The following S1PR3 variants were observed in gnomAD, a reference collection of about 807,000 sequenced individuals.
S1PR3 encodes the protein sphingosine-1-phosphate receptor 3.
In S1PR3, 12 loss-of-function variants were observed where a neutral mutation model predicts 13.3. The observed-to-expected ratio is 0.90, with a 90% CI of 0.58 to 1.46. S1PR3 has a LOEUF of 1.46. Among genes scored for constraint, S1PR3 ranks in the 40% most tolerant of loss-of-function variants. The pLI is 0.00. For synonymous variants in S1PR3, 232 were observed against 214.0 expected (o/e 1.08, Z -0.73); for missense variants, 450 against 501.9 (o/e 0.90, Z 0.99).
chr9:89,001,099 GCTGAAT>G lies in S1PR3; in HGVS notation c.-101_-96del. On this transcript the variant is annotated 5_prime_UTR_variant, in exon 2 of 2. The change abolishes an upstream ATG in the 5' untranslated region. Transcript: ENST00000358157. ...CGCTGGAGTCTGGCCTGCACGCCTT[GCTGAAT>G]GAAGCCGGAACCTCAGCCCCGCTTC... The G allele has an allele frequency of 7.2e-7, 1 of 1,385,102 alleles. No individual in the cohort carries two copies. The highest frequency in any genetic ancestry group is 1.3e-5 in the South Asian group (1 of 74,546). 85.8% of individuals were successfully genotyped at this position (1,385,102 alleles called of 1,614,324 possible).
At chr9:88,995,109 G>T (rs1363720567) in intron 1 of S1PR3, 1 of 167,052 alleles carries the variant, frequency 6.0e-6, no homozygotes, top group Non-Finnish European at 1.5e-5. Flanking sequence ...TGCTTTCCAA[G>T]AAATTTTGCT....
chr9:88,995,271 AAG>A (rs1491265543), intron 1 of S1PR3: 3 of 167,004 alleles, frequency 1.8e-5, no homozygotes, highest in African/African-American at 7.2e-5. Flanking sequence ...CGGAGAGAGA[AAG>A]GGGGGTGTTG....
At position 89,002,213 on chromosome 9, in the gene S1PR3, A is replaced by G. The variant is rs1351645898; in HGVS notation, c.1013A>G (p.Lys338Arg). 6.2e-6 allele frequency: 10 copies of G among 1,613,892 alleles called. No homozygotes were observed. The Admixed American group carries it at 1.5e-4, about 24-fold the overall frequency. The change falls in exon 2 of 2, where the codon AAA (lysine) becomes AGA (arginine). Residue 338 changes from lysine to arginine, a missense_variant. Lys to Arg is a conservative substitution (Grantham distance 26). Transcript: ENST00000358157. ...IQPALDPSRS[K>R]SSSSNNSSHS... Reference sequence around the variant, plus strand: ...CCTGCGCTCGACCCAAGCAGAAGTAAATCAAGCAGCAGCAACAATAGCAGC... The same window carrying G: ...CCTGCGCTCGACCCAAGCAGAAGTAGATCAAGCAGCAGCAACAATAGCAGC...
chr9:88,992,437 G>C (rs1825733704), intron 1 of S1PR3: 1 of 176,936 alleles, frequency 5.7e-6, no homozygotes, highest in Non-Finnish European at 1.2e-5. Flanking sequence ...TAAGGAAAGG[G>C]GAGCTACAGG....
chr9:88,995,547 C>T (rs1020343361), intron 1 of S1PR3: 4 of 166,822 alleles, frequency 2.4e-5, no homozygotes, highest in African/African-American at 4.8e-5. Context: ...TTCCAGAAGG[C>T]GTCTTATTCC....
chr9:88,997,186 T>A (rs976084823), intron 1 of S1PR3: 1 of 152,220 alleles, frequency 6.6e-6, no homozygotes, highest in African/African-American at 2.4e-5. Context: ...TATTTAATTA[T>A]AAGGGAAATG....
Position 89,002,606 on chromosome 9 carries a change from C to A in S1PR3, c.*269C>A. ...CTGCCTTCTGCTGCATCCTAGACAC[C>A]CTCCCTGTTGTTCACAGAGAGGGAA... On this transcript the variant is annotated 3_prime_UTR_variant, in exon 2 of 2. Transcript: ENST00000358157. The A allele has an allele frequency of 1.9e-6, 1 of 527,006 alleles. No individual in the cohort carries two copies. Among genetic ancestry groups the A allele is most frequent in the Non-Finnish European group, 3.5e-6 (1 of 284,562 alleles). The allele number at this position is 527,006 out of a possible 1,614,324, so 32.6% of individuals were successfully genotyped here.
At position 89,001,187 on chromosome 9, in the gene S1PR3, G is replaced by A. The variant is rs1359921039; in HGVS notation, c.-14G>A. 1 of 1,609,292 alleles carries A rather than the reference G, an allele frequency of 6.2e-7. No individual in the cohort carries two copies. The highest frequency in any genetic ancestry group is 1.1e-5 in the South Asian group (1 of 90,896). On this transcript the variant is annotated 5_prime_UTR_variant, in exon 2 of 2. In the 5' UTR this introduces an upstream ATG that the reference lacks. Coordinates refer to ENST00000358157, the MANE Select transcript of S1PR3 (RefSeq NM_005226.4). The stretch of plus-strand genomic sequence containing the variant: ...TCGTGGATTTTGGAGCTAATCGTCT[G>A]TGAATGCCAAGTGATGGCAACTGCC...
In S1PR3 at chr9:88,991,780, G is replaced by C. The variant is rs1331085558; in HGVS notation, c.-148+85G>C. The C allele has an allele frequency of 6.3e-7, 1 of 1,586,478 alleles. No individual in the cohort carries two copies. The highest frequency in any genetic ancestry group is 1.3e-5 in the African/African-American group (1 of 74,380). ...CCACCTTTCCAACAAAATCCCCACCGATCCCGGGCGCGACGGGGACTTGGG... is the reference window on the plus strand; with the variant it reads ...CCACCTTTCCAACAAAATCCCCACCCATCCCGGGCGCGACGGGGACTTGGG... On this transcript the variant is annotated intron_variant, in intron 1 of 1. Transcript: ENST00000358157. The surrounding 1 kb of genome is among the most constrained non-coding windows in gnomAD (Gnocchi z 4.0).
intron 1 of S1PR3, chr9:88,997,341 T>A (rs1314192051): frequency 2.0e-5 from 3 of 152,238 alleles, no homozygotes; most frequent in African/African-American, 7.2e-5. Flanking sequence ...TCTGCTCTGA[T>A]CAATTTTTGT....
chr9:88,994,454 ACATCCCTGTGGATT>A lies in S1PR3; in HGVS notation c.-148+2772_-148+2785del, dbSNP rs1230591585. 3.0e-5 allele frequency: 5 copies of A among 166,930 alleles called. No individual in the cohort carries two copies. The South Asian group carries it at 8.3e-4, about 28-fold the overall frequency. The allele number at this position is 166,930 out of a possible 1,614,324, so 10.3% of individuals were successfully genotyped here. The stretch of plus-strand genomic sequence containing the variant: ...TAGCCACCTCACAGAGCCTATTTCC[ACATCCCTGTGGATT>A]CATCCCTGTGGAAATCTTGAGAATC... On this transcript the variant is annotated intron_variant, in intron 1 of 1. Coordinates refer to ENST00000358157, the MANE Select transcript of S1PR3 (RefSeq NM_005226.4).
intron 1 of S1PR3, chr9:88,998,468 T>A (rs1012228808): frequency 1.3e-5 from 2 of 152,334 alleles, no homozygotes; most frequent in Non-Finnish European, 2.9e-5. Flanking sequence ...AGAATGAGAC[T>A]CCATCCCAAA....
chr9:88,993,920 A>G (rs1014747572), intron 1 of S1PR3: 1 of 155,270 alleles, frequency 6.4e-6, no homozygotes, highest in African/African-American at 2.4e-5. Context: ...TCACACAGCG[A>G]GGTGACGGTC....
Position 88,991,551 on chromosome 9 carries a change from C to T in S1PR3, c.-292C>T, listed in dbSNP as rs939487455. On this transcript the variant is annotated 5_prime_UTR_variant, in exon 1 of 2. Coordinates refer to ENST00000358157, the MANE Select transcript of S1PR3 (RefSeq NM_005226.4). The surrounding 1 kb of genome is among the most constrained non-coding windows in gnomAD (Gnocchi z 4.0). Reference sequence around the variant, plus strand: ...GCTGCAGGACGCGACCGAGCAGGACCCCAGGCCCGGGAACGACGTCGCGAG... The same window carrying T: ...GCTGCAGGACGCGACCGAGCAGGACTCCAGGCCCGGGAACGACGTCGCGAG... The T allele has an allele frequency of 1.3e-5, 20 of 1,546,158 alleles. No homozygotes were observed. In the African/African-American group the frequency reaches 2.8e-4, roughly 21 times the overall value.
chr9:88,997,795 G>T (rs1172838180), intron 1 of S1PR3: 1 of 152,360 alleles, frequency 6.6e-6, no homozygotes. Context: ...GGCCCCTCTG[G>T]TTGCAATGTG....
chr9:88,991,525 G>C lies in S1PR3; in HGVS notation c.-318G>C. 1 of 1,547,750 alleles carries C rather than the reference G, an allele frequency of 6.5e-7. No individual in the cohort carries two copies. The highest frequency in any genetic ancestry group is 8.7e-7 in the Non-Finnish European group (1 of 1,145,932). On this transcript the variant is annotated 5_prime_UTR_variant, in exon 1 of 2. Coordinates refer to ENST00000358157, the MANE Select transcript of S1PR3 (RefSeq NM_005226.4). The surrounding 1 kb of genome is among the most constrained non-coding windows in gnomAD (Gnocchi z 4.0). ...AACAGGGACTCAGGGACCAGAAGGC[G>C]GCTGCAGGACGCGACCGAGCAGGAC... is the stretch of plus-strand genomic sequence containing the variant.
At chr9:88,995,186 A>T (rs1354968674) in intron 1 of S1PR3, 2 of 167,094 alleles carry the variant, frequency 1.2e-5, no homozygotes, top group African/African-American at 4.8e-5. Flanking sequence ...CTGGGAGTAC[A>T]TGCCTATTAA....
chr9:88,993,123 T>G (rs1825745684), intron 1 of S1PR3: 1 of 120,820 alleles, frequency 8.3e-6, no homozygotes, highest in Non-Finnish European at 1.7e-5. Context: ...TCTCTGATTT[T>G]CTACCATATA....
intron 1 of S1PR3, chr9:88,992,275 T>A: frequency 3.5e-6 from 1 of 289,762 alleles, no homozygotes; most frequent in South Asian, 4.2e-5. Flanking sequence ...ATAGTCAGTC[T>A]CTCTCTCTCT....
Sources: gnomAD v4.1 joint callset for allele counts on GRCh38, gnomAD v4.1.1 for gene constraint, Gnocchi (gnomAD v3.1) non-coding constraint, MANE v1.5 for transcripts, NCBI Gene and HGNC (gene_info 2026-07-23, HGNC 2026-07-21) for gene names.